RALYL: variants seen among roughly 807,000 people sequenced by gnomAD.
RALYL encodes the protein RNA-binding Raly-like protein.
Under a neutral mutation model 35.1 loss-of-function variants are expected in RALYL, and 29 were observed. The observed-to-expected ratio is 0.83, with a 90% CI of 0.61 to 1.13. The LOEUF (loss-of-function observed/expected upper bound fraction) is 1.13. Ranked by LOEUF, RALYL falls within the 50% of genes most tolerant of loss-of-function variation. The probability of loss-of-function intolerance (pLI) is 0.00; values close to 1 mark genes in which losing one functional copy is unlikely to be tolerated. For synonymous variants in RALYL, 120 were observed against 127.6 expected, an observed-to-expected ratio of 0.94 and a Z score of 0.40; for missense variants, 359 against 360.4, an observed-to-expected ratio of 1.00 and a Z score of 0.03.
intron 1 of RALYL, among the ~76,000 whole-genome samples, chr8:84,377,451 G>GTTTTTT (rs369746268): frequency 2.0e-4 from 17 of 83,714 alleles, no homozygotes; most frequent in South Asian, 8.2e-4. Flanking sequence ...AAGGTTAACT[G>GTTTTTT]TTTTTTTTTT....
intron 1 of RALYL, among the ~76,000 whole-genome samples, chr8:84,430,873 T>G (rs2047067938): frequency 6.6e-6 from 1 of 152,152 alleles, no homozygotes; most frequent in African/African-American, 2.4e-5. Flanking sequence ...CACTGCTTAT[T>G]TAGATGGAAC....
At chr8:84,582,649 G>A (rs908365828) in intron 2 of RALYL, among the ~76,000 whole-genome samples, 23 of 151,740 alleles carry the variant, frequency 1.5e-4, no homozygotes, top group African/African-American at 4.6e-4. Flanking sequence ...AAAACTCTTC[G>A]AAAGTCTAGA....
chr8:84,196,892 G>C (rs1343581655), intron 1 of RALYL, among the ~76,000 whole-genome samples: 1 of 152,102 alleles, frequency 6.6e-6, no homozygotes, highest in Non-Finnish European at 1.5e-5. Context: ...GATACTTATT[G>C]TTCTTCAGGA....
intron 1 of RALYL, among the ~76,000 whole-genome samples, chr8:84,266,511 T>C (rs1043458779): frequency 1.6e-4 from 25 of 152,352 alleles, no homozygotes; most frequent in Admixed American, 6.5e-4. Context: ...AAGGCAGGAA[T>C]CTGCAAATAT....
chr8:84,773,434 C>T (rs949292850), intron 2 of RALYL, among the ~76,000 whole-genome samples: 2 of 152,140 alleles, frequency 1.3e-5, no homozygotes, highest in African/African-American at 4.8e-5. Flanking sequence ...CTTTAGATTT[C>T]CCTTTCTATC....
intron 2 of RALYL, among the ~76,000 whole-genome samples, chr8:84,699,982 C>T (rs547872166): frequency 6.6e-6 from 1 of 152,174 alleles, no homozygotes; most frequent in African/African-American, 2.4e-5. Context: ...TTTTTCAACT[C>T]TTTTGTAACC....
chr8:84,421,047 T>G (rs1398064806), intron 1 of RALYL, among the ~76,000 whole-genome samples: 1 of 131,984 alleles, frequency 7.6e-6, no homozygotes, highest in African/African-American at 3.1e-5. Flanking sequence ...TTTGGTTCCA[T>G]ATGAACTTTA....
intron 2 of RALYL, among the ~76,000 whole-genome samples, chr8:84,669,474 T>TC (rs1278810401): frequency 4.5e-4 from 14 of 30,912 alleles, no homozygotes; most frequent in Non-Finnish European, 8.0e-4. Context: ...GCCCACATCT[T>TC]CTCCCTCCCC....
intron 2 of RALYL, among the ~76,000 whole-genome samples, chr8:84,662,896 G>A (rs748387703): frequency 2.0e-5 from 3 of 152,016 alleles, no homozygotes; most frequent in Non-Finnish European, 2.9e-5. Context: ...ATAGTTAAAC[G>A]TGTGCCATGG....
In RALYL at chr8:84,891,813, G is replaced by A. The variant is rs180844597; in HGVS notation, c.858+4037G>A. On this transcript the variant is annotated intron_variant, in intron 8 of 8. Coordinates refer to ENST00000521268, the MANE Select transcript of RALYL (RefSeq NM_173848.7). ...AGGCTACTGAACCAAACCATCCTTGGTTCCCAAAAAGTGAAATAAAAGCAC... is the reference window on the plus strand; with the variant it reads ...AGGCTACTGAACCAAACCATCCTTGATTCCCAAAAAGTGAAATAAAAGCAC... Among the ~76,000 whole-genome samples the A allele has an allele frequency of 1.4e-4, 22 of 152,188 alleles. No homozygotes were observed. In the East Asian group the frequency reaches 3.9e-3, roughly 27 times the overall value.
intron 6 of RALYL, among the ~76,000 whole-genome samples, chr8:84,870,003 G>A (rs757748075): frequency 3.9e-4 from 59 of 152,118 alleles, no homozygotes; most frequent in Non-Finnish European, 7.6e-4. Flanking sequence ...ATGACTTAAT[G>A]TGACTTATTT....
chr8:84,774,517 T>C (rs1269911522), intron 2 of RALYL, 62 bp from the exon 3 acceptor site: 1 of 1,065,692 alleles, frequency 9.4e-7, no homozygotes, highest in Non-Finnish European at 1.4e-6. Context: ...AAGTTCATGA[T>C]TTACTTTTCT....
intron 2 of RALYL, among the ~76,000 whole-genome samples, chr8:84,641,443 T>C (rs1232326769): frequency 1.3e-5 from 2 of 151,784 alleles, no homozygotes; most frequent in Non-Finnish European, 2.9e-5. Context: ...TACATCATAA[T>C]ATTTTCTTAA....
At position 84,634,357 on chromosome 8, in the gene RALYL, G is replaced by A. The variant is rs145426591; in HGVS notation, c.256+104780G>A. On this transcript the variant is annotated intron_variant, in intron 2 of 8. Transcript: ENST00000521268. ...TGTGCTCTGCATTTATGAAAACCCC[G>A]ATGAACCACTATATTTTCCATGAAG... 1.5e-4 allele frequency among the ~76,000 whole-genome samples: 23 copies of A among 151,756 alleles called. No individual in the cohort carries two copies. In the East Asian group the frequency reaches 3.9e-3, roughly 26 times the overall value.
intron 1 of RALYL, among the ~76,000 whole-genome samples, chr8:84,330,487 C>G (rs1351494335): frequency 6.6e-6 from 1 of 152,078 alleles, no homozygotes; most frequent in Non-Finnish European, 1.5e-5. Flanking sequence ...AAGTTATTAT[C>G]TGCTGGGAGG....
chr8:84,680,174 A>G (rs1215602525), intron 2 of RALYL, among the ~76,000 whole-genome samples: 1 of 152,194 alleles, frequency 6.6e-6, no homozygotes, highest in African/African-American at 2.4e-5. Context: ...TACAAAGGTC[A>G]TGAACTCATC....
intron 2 of RALYL, among the ~76,000 whole-genome samples, chr8:84,702,328 T>A (rs1048335045): frequency 6.6e-6 from 1 of 152,156 alleles, no homozygotes; most frequent in Admixed American, 6.5e-5. Context: ...AATTCAGCCC[T>A]AAATCATATT....
At chr8:84,563,326 C>T (rs909757464) in intron 2 of RALYL, among the ~76,000 whole-genome samples, 74 of 151,678 alleles carry the variant, frequency 4.9e-4, no homozygotes, top group Non-Finnish European at 8.4e-4. Context: ...AAAACAATGC[C>T]ATTAAGAGCA....
intron 2 of RALYL, among the ~76,000 whole-genome samples, chr8:84,547,189 A>T (rs1215441875): frequency 6.6e-6 from 1 of 151,490 alleles, no homozygotes; most frequent in Non-Finnish European, 1.5e-5. Flanking sequence ...GCTCCCACTT[A>T]TTTTTAAACA....
Sources: allele counts gnomAD v4.1 joint callset (sites outside exome capture counted in the v4.1 genomes callset), GRCh38; gene constraint gnomAD v4.1.1; transcripts MANE v1.5; gene names NCBI Gene and HGNC (gene_info 2026-07-23, HGNC 2026-07-21).